Variants in YWHAQ observed in about 807,000 individuals in gnomAD.
YWHAQ encodes the protein 14-3-3 protein theta.
YWHAQ carries 6 observed loss-of-function variants against 28.3 expected under a neutral mutation model. The ratio of observed to expected loss-of-function variants is 0.21; its 90% CI spans 0.12 to 0.42. The LOEUF (loss-of-function observed/expected upper bound fraction) is 0.42. Ranked by LOEUF, YWHAQ falls within the 10% of genes least tolerant of loss-of-function variation. YWHAQ has a pLI of 1.00. For missense variants in YWHAQ, 201 were observed against 305.6 expected (o/e 0.66, Z 2.55); for synonymous variants, 143 against 119.1 (o/e 1.20, Z -1.31).
intron 2 of YWHAQ, among the ~76,000 whole-genome samples, chr2:9,629,620 G>C (rs1291202840): frequency 6.6e-6 from 1 of 151,230 alleles, no homozygotes; most frequent in Non-Finnish European, 1.5e-5. Flanking sequence ...CACATTTCCC[G>C]AACTCCCCTC....
intron 3 of YWHAQ, among the ~76,000 whole-genome samples, chr2:9,589,069 C>T (rs1666404186): frequency 6.6e-6 from 1 of 152,128 alleles, no homozygotes; most frequent in South Asian, 2.1e-4. Context: ...CTGCAGTGAG[C>T]CAAGATCATG....
chr2:9,621,402 ATG>A (rs1258807874), intron 2 of YWHAQ, among the ~76,000 whole-genome samples: 4 of 152,200 alleles, frequency 2.6e-5, no homozygotes, highest in Admixed American at 1.3e-4. Context: ...TTCTTGCTAT[ATG>A]TATTAAAGAC....
At chr2:9,606,743 T>C (rs926389986) in intron 2 of YWHAQ, among the ~76,000 whole-genome samples, 1 of 152,208 alleles carries the variant, frequency 6.6e-6, no homozygotes, top group Non-Finnish European at 1.5e-5. Context: ...TTGGTGAGTG[T>C]ATATCCTTTG....
intron 2 of YWHAQ, among the ~76,000 whole-genome samples, chr2:9,606,523 C>CTG (rs375948662): frequency 0.072 from 10,909 of 152,024 alleles, 489 homozygotes; most frequent in African/African-American, 0.12. Context: ...GAACATCTGT[C>CTG]TGTGTGTGTG....
chr2:9,630,279 G>C lies in YWHAQ; in HGVS notation c.174C>G (p.Ala58=), dbSNP rs1348431103. The C allele has an allele frequency of 6.2e-7, 1 of 1,614,056 alleles. No homozygotes were observed. Among genetic ancestry groups the C allele is most frequent in the Non-Finnish European group, 8.5e-7 (1 of 1,180,050 alleles). ...YKNVVGGRRS[A]WRVISSIEQK... The stretch of plus-strand genomic sequence containing the variant: ...GCTCGATGCTAGAGATGACCCTCCA[G>C]GCGGACCTGCGGCCCCCGACCACGT... Residue 58 remains alanine, a synonymous_variant, in exon 2 of 6, where the codon GCC becomes GCG. Transcript: ENST00000238081. This position sits in a 1 kb window ranked among gnomAD's most constrained non-coding sequence, Gnocchi z 5.6.
intron 2 of YWHAQ, among the ~76,000 whole-genome samples, chr2:9,596,571 T>C (rs1026499895): frequency 6.6e-6 from 1 of 152,212 alleles, no homozygotes; most frequent in African/African-American, 2.4e-5. Flanking sequence ...AAACACACTA[T>C]TAACATGCTG....
intron 2 of YWHAQ, among the ~76,000 whole-genome samples, chr2:9,621,390 T>C (rs1254508500): frequency 1.3e-5 from 2 of 152,286 alleles, no homozygotes; most frequent in East Asian, 1.9e-4. Flanking sequence ...CTACACACTA[T>C]CTTCTTGCTA....
At chr2:9,588,758 G>A (rs1217351068) in intron 3 of YWHAQ, among the ~76,000 whole-genome samples, 1 of 151,962 alleles carries the variant, frequency 6.6e-6, no homozygotes, top group African/African-American at 2.4e-5. Context: ...GCAACAGAAC[G>A]ATACTCTGTG....
chr2:9,614,148 C>G (rs900775982), intron 2 of YWHAQ, among the ~76,000 whole-genome samples: 50 of 152,296 alleles, frequency 3.3e-4, no homozygotes, highest in African/African-American at 1.2e-3. Context: ...AATGTTCTAC[C>G]TTCTGCTCCA....
At chr2:9,596,415 C>G (rs1666571088) in intron 2 of YWHAQ, among the ~76,000 whole-genome samples, 1 of 152,094 alleles carries the variant, frequency 6.6e-6, no homozygotes, top group South Asian at 2.1e-4. Context: ...TAAGCGATTT[C>G]CATTTTACAG....
At chr2:9,598,260 G>A (rs1283431341) in intron 2 of YWHAQ, among the ~76,000 whole-genome samples, 3 of 152,064 alleles carry the variant, frequency 2.0e-5, no homozygotes, top group Admixed American at 6.6e-5. Context: ...GTATCCACAA[G>A]GTTAAAACTT....
chr2:9,628,124 C>T (rs1408660703), intron 2 of YWHAQ, among the ~76,000 whole-genome samples: 1 of 152,214 alleles, frequency 6.6e-6, no homozygotes, highest in Non-Finnish European at 1.5e-5. Flanking sequence ...ACAGAAAGCT[C>T]TCAATACAGT....
At chr2:9,599,746 A>C (rs1032860218) in intron 2 of YWHAQ, among the ~76,000 whole-genome samples, 3 of 152,220 alleles carry the variant, frequency 2.0e-5, no homozygotes, top group African/African-American at 7.2e-5. Context: ...AAGAGCTCTG[A>C]GGGAGATGTA....
In YWHAQ at chr2:9,630,232, T is replaced by C. The variant is rs756400871; in HGVS notation, c.221A>G (p.Lys74Arg). 3 of 1,613,992 alleles carry C rather than the reference T, an allele frequency of 1.9e-6. No individual in the cohort carries two copies. Among genetic ancestry groups the C allele is most frequent in the South Asian group, 2.2e-5 (2 of 91,094 alleles). Residue 74 changes from lysine (K) to arginine (R), a missense_variant, in exon 2 of 6, where the codon AAG becomes AGG. Lys to Arg is a conservative substitution (Grantham distance 26). Coordinates refer to ENST00000238081, the MANE Select transcript of YWHAQ (RefSeq NM_006826.4). The surrounding 1 kb of genome is among the most constrained non-coding windows in gnomAD (Gnocchi z 5.6). ...SIEQKTDTSD[K>R]KLQLIKDYRE... ...ATAGTCCTTAATCAGCTGCAACTTC[T>C]TGTCGGAGGTGTCGGTCTTCTGCTC...
intron 5 of YWHAQ, among the ~76,000 whole-genome samples, chr2:9,585,768 A>C (rs1666331842): frequency 6.6e-6 from 1 of 152,050 alleles, no homozygotes. Context: ...AAAATTGGCC[A>C]GGTACGGGGT....
chr2:9,599,416 T>C (rs548182122), intron 2 of YWHAQ, among the ~76,000 whole-genome samples: 87 of 152,188 alleles, frequency 5.7e-4, no homozygotes, highest in Non-Finnish European at 1.1e-3. Context: ...TACCAGAAGA[T>C]GCCATCAAGT....
intron 2 of YWHAQ, among the ~76,000 whole-genome samples, chr2:9,625,750 T>A (rs956346747): frequency 6.6e-6 from 1 of 152,132 alleles, no homozygotes; most frequent in East Asian, 1.9e-4. Context: ...TGGTAAATGT[T>A]AATTATGAGC....
intron 2 of YWHAQ, among the ~76,000 whole-genome samples, chr2:9,628,083 C>T (rs997938011): frequency 2.6e-5 from 4 of 152,148 alleles, no homozygotes; most frequent in Non-Finnish European, 2.9e-5. Context: ...TTTGTTCCTC[C>T]CCATATTGCT....
At chr2:9,608,397 A>G (rs1666878001) in intron 2 of YWHAQ, among the ~76,000 whole-genome samples, 1 of 152,216 alleles carries the variant, frequency 6.6e-6, no homozygotes, top group Non-Finnish European at 1.5e-5. Context: ...GCTGAGAAGT[A>G]GCCAGAAATC....
Sources: gnomAD v4.1 joint callset for allele counts (sites outside exome capture counted in the v4.1 genomes callset) on GRCh38, gnomAD v4.1.1 for gene constraint, Gnocchi (gnomAD v3.1) non-coding constraint, MANE v1.5 for transcripts, NCBI Gene and HGNC (gene_info 2026-07-23, HGNC 2026-07-21) for gene names.